Variants in DCC observed in about 807,000 individuals in gnomAD.
DCC encodes the protein netrin receptor DCC.
In DCC, 58 loss-of-function variants were observed where a neutral mutation model predicts 172.5. That is an observed-to-expected ratio of 0.34 (90% CI 0.27 to 0.42). The LOEUF is 0.42. Among genes scored for constraint, DCC ranks in the 10% least tolerant of loss-of-function variants. The probability of loss-of-function intolerance (pLI) is 1.00; values close to 1 mark genes in which losing one functional copy is unlikely to be tolerated. For missense variants in DCC, 1,740 were observed against 1,791.0 expected, an observed-to-expected ratio of 0.97 and a Z score of 0.51; for synonymous variants, 709 against 644.5, an observed-to-expected ratio of 1.10 and a Z score of -1.52.
rs1212040904 is a variant in DCC at position 52,923,676 on chromosome 18, T to C, written c.698-31T>C. The C allele has an allele frequency of 1.2e-5, 19 of 1,522,934 alleles. No individual in the cohort carries two copies. In the South Asian group the frequency reaches 1.8e-4, roughly 14 times the overall value. 94.3% of individuals were successfully genotyped at this position (1,522,934 alleles called of 1,614,324 possible). ...ATTTATCTTTGCAATGTTTTTCATA[T>C]ATCATATGATACTGTGTTTTCCCCT... On this transcript the variant is annotated intron_variant, in intron 3 of 28. Coordinates refer to ENST00000442544, the MANE Select transcript of DCC (RefSeq NM_005215.4).
At chr18:52,790,216 A>G (rs2037734557) in intron 2 of DCC, among the ~76,000 whole-genome samples, 1 of 152,198 alleles carries the variant, frequency 6.6e-6, no homozygotes. Context: ...AGTTTGTTAT[A>G]GACTGTTTTG....
intron 1 of DCC, among the ~76,000 whole-genome samples, chr18:52,579,294 T>C (rs973416655): frequency 2.0e-5 from 3 of 152,290 alleles, no homozygotes; most frequent in Admixed American, 6.5e-5. Context: ...AAGATAAATA[T>C]ATACAAAGTA....
At chr18:52,709,566 C>T (rs528620323) in intron 1 of DCC, among the ~76,000 whole-genome samples, 1 of 152,276 alleles carries the variant, frequency 6.6e-6, no homozygotes, top group East Asian at 1.9e-4. Flanking sequence ...GTGTGCTCTT[C>T]TTCGATTTAA....
At chr18:52,550,943 G>C (rs1192917998) in intron 1 of DCC, among the ~76,000 whole-genome samples, 2 of 151,548 alleles carry the variant, frequency 1.3e-5, no homozygotes, top group Admixed American at 6.6e-5. Flanking sequence ...ATTTTTAAAA[G>C]TTTATTTTTA....
intron 1 of DCC, among the ~76,000 whole-genome samples, chr18:52,594,419 G>C (rs1007717482): frequency 6.6e-6 from 1 of 152,122 alleles, no homozygotes; most frequent in South Asian, 2.1e-4. Context: ...CTTCATGTCT[G>C]GGTGTATATT....
chr18:52,500,165 T>A (rs2030963983), intron 1 of DCC, among the ~76,000 whole-genome samples: 1 of 152,026 alleles, frequency 6.6e-6, no homozygotes, highest in Non-Finnish European at 1.5e-5. Flanking sequence ...AGGACACAAG[T>A]GTTCTTGATG....
intron 1 of DCC, among the ~76,000 whole-genome samples, chr18:52,672,508 T>G (rs151013156): frequency 6.6e-6 from 1 of 152,152 alleles, no homozygotes; most frequent in Non-Finnish European, 1.5e-5. Flanking sequence ...GTTTCTTTCC[T>G]TACTTCCTCA....
chr18:52,403,641 A>T (rs183389742), intron 1 of DCC, among the ~76,000 whole-genome samples: 1 of 152,044 alleles, frequency 6.6e-6, no homozygotes, highest in Non-Finnish European at 1.5e-5. Flanking sequence ...AGGAAATGAA[A>T]ATGAAAATTA....
At chr18:52,494,997 A>G (rs2030685575) in intron 1 of DCC, among the ~76,000 whole-genome samples, 1 of 152,062 alleles carries the variant, frequency 6.6e-6, no homozygotes, top group Non-Finnish European at 1.5e-5. Flanking sequence ...CCAATAAGGG[A>G]CTGAGCTGAA....
intron 1 of DCC, among the ~76,000 whole-genome samples, chr18:52,579,075 A>G (rs994373258): frequency 6.6e-6 from 1 of 152,254 alleles, no homozygotes; most frequent in African/African-American, 2.4e-5. Context: ...ATCCTATAAT[A>G]TGTAATAAGA....
At chr18:52,490,666 C>G (rs1352896010) in intron 1 of DCC, among the ~76,000 whole-genome samples, 1 of 152,098 alleles carries the variant, frequency 6.6e-6, no homozygotes, top group African/African-American at 2.4e-5. Flanking sequence ...TGTAGTCCCC[C>G]TCCTTTTTCT....
chr18:52,679,430 C>T (rs1169269197), intron 1 of DCC, among the ~76,000 whole-genome samples: 2 of 152,010 alleles, frequency 1.3e-5, no homozygotes, highest in Non-Finnish European at 1.5e-5. Flanking sequence ...CTGTTTTCCC[C>T]GTTTCATTTT....
chr18:53,023,413 A>C (rs1317806119), intron 5 of DCC, among the ~76,000 whole-genome samples: 2,501 of 141,638 alleles, frequency 0.018, 144 homozygotes, highest in African/African-American at 0.053. Context: ...AAAAAAAAAA[A>C]AAAAAAAAAA....
At chr18:52,700,096 C>T (rs998940358) in intron 1 of DCC, among the ~76,000 whole-genome samples, 1 of 150,620 alleles carries the variant, frequency 6.6e-6, no homozygotes, top group African/African-American at 2.5e-5. Flanking sequence ...TATAAGTTAC[C>T]ATTTTGGAAA....
intron 15 of DCC, among the ~76,000 whole-genome samples, chr18:53,383,490 T>C (rs976064520): frequency 6.7e-6 from 1 of 149,774 alleles, no homozygotes; most frequent in Non-Finnish European, 1.5e-5. Context: ...CTGAACCCAT[T>C]TGACATGATT....
At chr18:53,057,482 A>G (rs1239917550) in intron 5 of DCC, among the ~76,000 whole-genome samples, 1 of 152,072 alleles carries the variant, frequency 6.6e-6, no homozygotes, top group Non-Finnish European at 1.5e-5. Flanking sequence ...TCAGCCCCCC[A>G]TAAAAATGAT....
At chr18:52,509,411 C>T (rs1011465810) in intron 1 of DCC, among the ~76,000 whole-genome samples, 24 of 152,198 alleles carry the variant, frequency 1.6e-4, no homozygotes, top group African/African-American at 5.3e-4. Flanking sequence ...GCTCGTATTA[C>T]ATCTTATATT....
chr18:52,882,263 T>A (rs2039497654), intron 2 of DCC, among the ~76,000 whole-genome samples: 1 of 152,020 alleles, frequency 6.6e-6, no homozygotes, highest in Non-Finnish European at 1.5e-5. Context: ...TTGCCCTTTC[T>A]TTTTTAGTTC....
At chr18:53,305,274 C>A (rs1310911375) in intron 12 of DCC, among the ~76,000 whole-genome samples, 3 of 152,146 alleles carry the variant, frequency 2.0e-5, no homozygotes, top group Admixed American at 1.3e-4. Flanking sequence ...TGCAATATAA[C>A]CTTATTCTCT....
Sources: allele counts gnomAD v4.1 joint callset (sites outside exome capture counted in the v4.1 genomes callset), GRCh38; gene constraint gnomAD v4.1.1; transcripts MANE v1.5; gene names NCBI Gene and HGNC (gene_info 2026-07-23, HGNC 2026-07-21).